The following ADCY5 variants were observed in gnomAD, a reference collection of about 807,000 sequenced individuals.
ADCY5 encodes adenylate cyclase 5.
A neutral mutation model predicts 119.7 loss-of-function variants in ADCY5; 30 were observed. The observed-to-expected ratio is 0.25, with a 90% confidence interval of 0.19 to 0.34. ADCY5 has a LOEUF of 0.34. ADCY5 is among the 10% of genes least tolerant of loss of function. ADCY5 has a pLI of 1.00. For synonymous variants in ADCY5, 753 were observed against 762.2 expected (o/e 0.99, Z 0.20); for missense variants, 1,324 against 1,775.2 (o/e 0.75, Z 4.57).
intron 1 of ADCY5, chr3:123,368,058 A>T (rs1943512411): frequency 2.1e-6 from 3 of 1,452,880 alleles, no homozygotes. Flanking sequence ...TGGGGGAGAG[A>T]GGCAGGAAGA....
intron 8 of ADCY5, among the ~76,000 whole-genome samples, chr3:123,321,732 T>C (rs1941229128): frequency 6.6e-6 from 1 of 152,178 alleles, no homozygotes; most frequent in South Asian, 2.1e-4. Context: ...TCATTCCCAA[T>C]GAGGACACGG....
chr3:123,428,067 T>C (rs1423300112), intron 1 of ADCY5, among the ~76,000 whole-genome samples: 3 of 152,212 alleles, frequency 2.0e-5, no homozygotes, highest in Non-Finnish European at 2.9e-5. Context: ...GACCCATGTC[T>C]GAAGTCGAGT....
chr3:123,308,979 G>A (rs535327533), intron 12 of ADCY5, among the ~76,000 whole-genome samples: 32 of 152,298 alleles, frequency 2.1e-4, no homozygotes, highest in African/African-American at 5.8e-4. Flanking sequence ...ATGCTTGCTC[G>A]CAATCAGAGC....
In ADCY5 at chr3:123,284,748, C is replaced by G; in HGVS notation, c.3658-12G>C. 6.2e-7 allele frequency: 1 copy of G among 1,613,994 alleles called. No individual in the cohort carries two copies. The highest frequency in any genetic ancestry group is 8.5e-7 in the Non-Finnish European group (1 of 1,179,922). ...ATGTCTGTGGTGACCTGTGGGGGAA[C>G]AGGAGGAGAGAGGGCAAGCCACTGA... On this transcript the variant is annotated splice_polypyrimidine_tract_variant and intron_variant, in intron 20 of 20. Transcript: ENST00000462833.
chr3:123,314,265 C>T lies in ADCY5; in HGVS notation c.2412G>A (p.Val804=). 1.2e-6 allele frequency: 2 copies of T among 1,613,830 alleles called. No individual in the cohort carries two copies. The highest frequency in any genetic ancestry group is 1.3e-5 in the African/African-American group (1 of 75,048). The change falls in exon 12 of 21, where the codon GTG becomes GTA. Residue 804 remains valine, a synonymous_variant. Transcript: ENST00000462833. Reference sequence around the variant, plus strand: ...CGCAGGAGTAGATCACAGACACAAACACCACCAAGGTCAGCAGCAGGGAAC... The same window carrying T: ...CGCAGGAGTAGATCACAGACACAAATACCACCAAGGTCAGCAGCAGGGAAC... ...LTCSLLLTLV[V]FVSVIYSCVK...
intron 12 of ADCY5, among the ~76,000 whole-genome samples, chr3:123,307,755 A>G (rs902705601): frequency 1.3e-5 from 2 of 152,170 alleles, no homozygotes; most frequent in African/African-American, 2.4e-5. Context: ...GCAATCACCA[A>G]TGTAATGACT....
Position 123,402,986 on chromosome 3 carries a change from G to A in ADCY5, c.1134+44426C>T, listed in dbSNP as rs76487379. ...AAAAGAAAAAAAGGAAAGCAGTAAA[G>A]CATTCCTCAACACTGTGTGATGGCA... On this transcript the variant is annotated intron_variant, in intron 1 of 20. Coordinates refer to ENST00000462833, the MANE Select transcript of ADCY5 (RefSeq NM_183357.3). 5.6e-3 allele frequency among the ~76,000 whole-genome samples: 854 copies of A among 152,236 alleles called. 7 individuals carry two copies. The highest frequency in any genetic ancestry group is 0.019 in the African/African-American group (799 of 41,550).
chr3:123,328,895 C>CG, intron 5 of ADCY5, 93 bp from the exon 6 acceptor site: 2 of 1,328,008 alleles, frequency 1.5e-6, no homozygotes, highest in South Asian at 2.7e-5. Flanking sequence ...GGTGAAGGTG[C>CG]GGGGGTCAAA....
intron 1 of ADCY5, among the ~76,000 whole-genome samples, chr3:123,406,458 CA>C (rs1426858675): frequency 1.3e-5 from 2 of 152,218 alleles, no homozygotes; most frequent in Non-Finnish European, 2.9e-5. Context: ...CATACCTGAA[CA>C]ATAATAAAAC....
intron 1 of ADCY5, among the ~76,000 whole-genome samples, chr3:123,424,470 TC>T (rs1945361905): frequency 1.3e-5 from 2 of 152,066 alleles, no homozygotes; most frequent in Non-Finnish European, 2.9e-5. Flanking sequence ...AGGTCCCAAT[TC>T]CCCATGCCAA....
rs990768584 is a variant in ADCY5 at position 123,282,562 on chromosome 3, C to G, written c.*2046G>C. On this transcript the variant is annotated 3_prime_UTR_variant, in exon 21 of 21. Coordinates refer to ENST00000462833, the MANE Select transcript of ADCY5 (RefSeq NM_183357.3). ...CACTTTACTCAGGTTGGAAGCAGAA[C>G]GAAAACCCAACACCACTGGCGGGCG... 1 of 152,224 alleles carries G rather than the reference C, an allele frequency of 6.6e-6. No individual in the cohort carries two copies. Among genetic ancestry groups the G allele is most frequent in the Admixed American group, 6.5e-5 (1 of 15,268 alleles). The allele number at this position is 152,224 out of a possible 1,614,324, so 9.4% of individuals were successfully genotyped here.
At chr3:123,332,266 G>A (rs916145463) in intron 4 of ADCY5, among the ~76,000 whole-genome samples, 1 of 151,886 alleles carries the variant, frequency 6.6e-6, no homozygotes, top group African/African-American at 2.4e-5. Context: ...CAGTGTGACC[G>A]GCAGGCCTCA....
intron 1 of ADCY5, among the ~76,000 whole-genome samples, chr3:123,440,576 A>AG (rs1279786338): frequency 6.6e-6 from 1 of 151,330 alleles, no homozygotes; most frequent in Non-Finnish European, 1.5e-5. Context: ...CCTTTCTTTA[A>AG]GGCACACTCC....
chr3:123,292,438 T>C (rs999005335), intron 17 of ADCY5, among the ~76,000 whole-genome samples: 1 of 152,140 alleles, frequency 6.6e-6, no homozygotes, highest in South Asian at 2.1e-4. Flanking sequence ...GGCTCCTGAC[T>C]GTGCTGCCCA....
chr3:123,388,820 G>C (rs528622353), intron 1 of ADCY5, among the ~76,000 whole-genome samples: 2 of 152,308 alleles, frequency 1.3e-5, no homozygotes, highest in South Asian at 2.1e-4. Flanking sequence ...TCACCATGAG[G>C]GTCCTCTGTG....
chr3:123,426,209 T>C (rs754871773), intron 1 of ADCY5, among the ~76,000 whole-genome samples: 24 of 151,708 alleles, frequency 1.6e-4, no homozygotes, highest in Admixed American at 2.6e-4. Context: ...CCCTGCAGCA[T>C]GGCAACATGG....
chr3:123,448,358 G>T lies in ADCY5; in HGVS notation c.188C>A (p.Pro63Gln). ...STKKPGGAVT[P>Q]QQQQRLASRW... ...GCTGGCCAGGCGCTGCTGCTGCTGCGGGGTCACCGCCCCCCCGGGTTTCTT... is the reference window on the plus strand; with the variant it reads ...GCTGGCCAGGCGCTGCTGCTGCTGCTGGGTCACCGCCCCCCCGGGTTTCTT... The change falls in exon 1 of 21, where the codon CCG (proline) becomes CAG (glutamine). Residue 63 changes from proline (P) to glutamine (Q), a missense_variant. Physicochemically the swap from Pro to Gln is moderately conservative, Grantham distance 76. This residue lies in a region of ADCY5 where 585 missense variants were observed against 569.9 expected (regional missense o/e 1.03). Coordinates refer to ENST00000462833, the MANE Select transcript of ADCY5 (RefSeq NM_183357.3). The T allele has an allele frequency of 6.6e-7, 1 of 1,512,182 alleles. No individual in the cohort carries two copies. The highest frequency in any genetic ancestry group is 2.8e-5 in the East Asian group (1 of 35,946). 93.7% of individuals were successfully genotyped at this position (1,512,182 alleles called of 1,614,324 possible).
At chr3:123,305,404 A>C (rs1940145689) in intron 12 of ADCY5, among the ~76,000 whole-genome samples, 1 of 152,190 alleles carries the variant, frequency 6.6e-6, no homozygotes, top group African/African-American at 2.4e-5. Flanking sequence ...CCCAGTGGGG[A>C]GGGGAACTGG....
intron 1 of ADCY5, among the ~76,000 whole-genome samples, chr3:123,408,345 G>GTTT (rs1189685498): frequency 3.6e-5 from 5 of 140,626 alleles, no homozygotes; most frequent in African/African-American, 1.0e-4. Flanking sequence ...TACGTTTTTT[G>GTTT]TTTTTTTTTT....
Sources: allele counts gnomAD v4.1 joint callset (sites outside exome capture counted in the v4.1 genomes callset), GRCh38; gene constraint gnomAD v4.1.1; regional missense constraint gnomAD v4.1.1; transcripts MANE v1.5; gene names NCBI Gene and HGNC (gene_info 2026-07-23, HGNC 2026-07-21).